Variants in COA1 observed in about 807,000 individuals in gnomAD.
The protein encoded by COA1 is cytochrome c oxidase assembly factor 1 homolog.
Under a neutral mutation model 16.0 loss-of-function variants are expected in COA1, and 13 were observed. The observed-to-expected ratio is 0.81, with a 90% confidence interval of 0.53 to 1.29. The LOEUF is 1.29. COA1 is among the 50% of genes most tolerant of loss of function. COA1 has a pLI of 0.00. For missense variants in COA1, 179 were observed against 177.0 expected (o/e 1.01, Z -0.06); for synonymous variants, 65 against 65.7 (o/e 0.99, Z 0.05).
chr7:43,611,421 A>G (rs1217637713), intron 6 of COA1, among the ~76,000 whole-genome samples: 1 of 152,202 alleles, frequency 6.6e-6, no homozygotes, highest in Non-Finnish European at 1.5e-5. Context: ...GCCACATGGT[A>G]CACAGTGGCG....
intron 1 of COA1, among the ~76,000 whole-genome samples, chr7:43,700,069 A>C (rs2094663965): frequency 6.6e-6 from 1 of 152,168 alleles, no homozygotes; most frequent in Non-Finnish European, 1.5e-5. Context: ...CGGCAAAAAA[A>C]CAAAAATCAA....
chr7:43,646,427 T>C, intron 3 of COA1: 1 of 388,068 alleles, frequency 2.6e-6, no homozygotes, highest in Admixed American at 2.9e-5. Flanking sequence ...AGCACTAACA[T>C]TACCACACAT....
At chr7:43,677,659 T>G (rs2093593162) in intron 1 of COA1, among the ~76,000 whole-genome samples, 1 of 151,698 alleles carries the variant, frequency 6.6e-6, no homozygotes, top group Non-Finnish European at 1.5e-5. Flanking sequence ...ATTAGCTGGG[T>G]GTGGTGGTGC....
chr7:43,619,872 C>T (rs1277100308), intron 6 of COA1: 9 of 1,106,548 alleles, frequency 8.1e-6, no homozygotes, highest in Middle Eastern at 2.2e-4. Context: ...TTACATTTTA[C>T]AATGGAAAAC....
intron 1 of COA1, among the ~76,000 whole-genome samples, chr7:43,683,399 G>A (rs565575162): frequency 1.9e-4 from 29 of 152,186 alleles, no homozygotes; most frequent in South Asian, 1.0e-3. Flanking sequence ...TTGGGTGGCC[G>A]AGGCAGGTGG....
chr7:43,691,317 GAA>G lies in COA1; in HGVS notation c.-39+38110_-39+38111del, dbSNP rs1355268714. On this transcript the variant is annotated intron_variant, in intron 1 of 5. Coordinates refer to ENST00000223336, the MANE Select transcript of COA1 (RefSeq NM_018224.4). The stretch of plus-strand genomic sequence containing the variant: ...AGAAAGAAAGAAAGAAAGAAAGAAA[GAA>G]AGAAAGAAAGAGAAAGAGAGAGAGG... Among the ~76,000 whole-genome samples the G allele has an allele frequency of 3.1e-3, 312 of 102,066 alleles. 2 individuals are homozygous for G. The highest frequency in any genetic ancestry group is 4.2e-3 in the Non-Finnish European group (213 of 50,436). 67.0% of individuals were successfully genotyped at this position (102,066 alleles called of 152,430 possible). A position where few individuals can be genotyped will look rare whatever the true frequency, so the allele number is the denominator to read the frequency against.
chr7:43,718,577 A>G (rs1411873230), intron 1 of COA1, among the ~76,000 whole-genome samples: 1 of 152,246 alleles, frequency 6.6e-6, no homozygotes, highest in African/African-American at 2.4e-5. Context: ...ATACAGAAAC[A>G]TAACTTTATC....
At chr7:43,613,561 G>C (rs1478201755) in intron 6 of COA1, among the ~76,000 whole-genome samples, 1 of 152,112 alleles carries the variant, frequency 6.6e-6, no homozygotes, top group African/African-American at 2.4e-5. Context: ...ACTAGAAGAA[G>C]GCCAGGTGTG....
intron 1 of COA1, among the ~76,000 whole-genome samples, chr7:43,720,246 C>A (rs1490105480): frequency 2.6e-5 from 4 of 151,932 alleles, no homozygotes; most frequent in Non-Finnish European, 4.4e-5. Flanking sequence ...CCACTGCACT[C>A]CAGCCTGGGC....
intron 1 of COA1, chr7:43,650,544 T>C (rs913664446): frequency 1.3e-5 from 2 of 152,166 alleles, no homozygotes; most frequent in Non-Finnish European, 1.5e-5. Context: ...CACGGCTTCC[T>C]ATCTGCTCAA....
chr7:43,701,315 T>C (rs955798427), intron 1 of COA1, among the ~76,000 whole-genome samples: 3 of 152,182 alleles, frequency 2.0e-5, no homozygotes, highest in Admixed American at 6.5e-5. Context: ...CCCCTTCGTG[T>C]CTTCATGCAT....
chr7:43,640,347 C>T (rs2086734152), intron 5 of COA1, among the ~76,000 whole-genome samples: 1 of 152,204 alleles, frequency 6.6e-6, no homozygotes, highest in Admixed American at 6.5e-5. Flanking sequence ...ACAAATTCAA[C>T]GGCATAAGGA....
intron 1 of COA1, among the ~76,000 whole-genome samples, chr7:43,692,583 G>C (rs950264256): frequency 1.3e-5 from 2 of 152,032 alleles, no homozygotes; most frequent in African/African-American, 4.8e-5. Flanking sequence ...ACAGTGGACA[G>C]AAAGGGGCAC....
At chr7:43,691,384 GAA>G (rs1276843985) in intron 1 of COA1, among the ~76,000 whole-genome samples, 1 of 94,684 alleles carries the variant, frequency 1.1e-5, no homozygotes, top group Admixed American at 1.1e-4. Flanking sequence ...AGGGAGGAAG[GAA>G]GGAAGGAAGG....
chr7:43,716,036 C>G (rs1048081987), intron 1 of COA1, among the ~76,000 whole-genome samples: 2 of 152,164 alleles, frequency 1.3e-5, no homozygotes, highest in African/African-American at 4.8e-5. Context: ...TGAGGCTTCC[C>G]CAGCCACATG....
downstream of COA1, among the ~76,000 whole-genome samples, chr7:43,637,171 CCTAA>C (rs918361947): frequency 6.6e-6 from 1 of 152,198 alleles, no homozygotes; most frequent in Non-Finnish European, 1.5e-5. Context: ...TTAGATTCCC[CCTAA>C]CTGATATCTC....
At chr7:43,623,092 T>A (rs2084091989) in intron 6 of COA1, 1 of 152,894 alleles carries the variant, frequency 6.5e-6, no homozygotes, top group African/African-American at 2.4e-5. Context: ...GACTTTTTGT[T>A]AATGGGTAGA....
At chr7:43,684,203 A>G (rs905743267) in intron 1 of COA1, among the ~76,000 whole-genome samples, 2 of 152,172 alleles carry the variant, frequency 1.3e-5, no homozygotes, top group African/African-American at 4.8e-5. Flanking sequence ...TTAGATTCTC[A>G]TAAGGAGCAC....
chr7:43,624,367 C>T, intron 6 of COA1: 1 of 751,822 alleles, frequency 1.3e-6, no homozygotes, highest in Non-Finnish European at 2.0e-6. Context: ...CACCCAAATT[C>T]CAAGACTAAT....
Sources: gnomAD v4.1 joint callset for allele counts (sites outside exome capture counted in the v4.1 genomes callset) on GRCh38, gnomAD v4.1.1 for gene constraint, MANE v1.5 for transcripts, NCBI Gene and HGNC (gene_info 2026-07-23, HGNC 2026-07-21) for gene names.